PPP1R9A: variants seen among roughly 807,000 people sequenced by gnomAD.
The protein encoded by PPP1R9A is neurabin-1.
In PPP1R9A, 59 loss-of-function variants were observed where a neutral mutation model predicts 141.9. The ratio of observed to expected loss-of-function variants is 0.42; its 90% CI spans 0.34 to 0.52. The LOEUF is 0.52. Among genes scored for constraint, PPP1R9A ranks in the 20% least tolerant of loss-of-function variants. The probability of loss-of-function intolerance (pLI) is 0.10; values close to 1 mark genes in which losing one functional copy is unlikely to be tolerated. For synonymous variants in PPP1R9A, 500 were observed against 569.7 expected (o/e 0.88, Z 1.74); for missense variants, 1,444 against 1,611.9 (o/e 0.90, Z 1.78).
intron 2 of PPP1R9A, among the ~76,000 whole-genome samples, chr7:95,068,427 AC>A (rs1364075285): frequency 7.8e-6 from 1 of 128,608 alleles, no homozygotes; most frequent in African/African-American, 2.9e-5. Context: ...CCGAGATCGC[AC>A]CATTACACTC....
At chr7:95,194,020 A>G (rs1835884960) in intron 5 of PPP1R9A, among the ~76,000 whole-genome samples, 1 of 151,994 alleles carries the variant, frequency 6.6e-6, no homozygotes, top group Admixed American at 6.6e-5. Flanking sequence ...TGCTGTTTTC[A>G]ATTTATATGC....
At chr7:94,928,936 C>T (rs947869348) in intron 2 of PPP1R9A, among the ~76,000 whole-genome samples, 4 of 152,124 alleles carry the variant, frequency 2.6e-5, no homozygotes, top group African/African-American at 9.7e-5. Flanking sequence ...AACTGGCCAT[C>T]ATAGCCAATG....
intron 4 of PPP1R9A, among the ~76,000 whole-genome samples, chr7:95,154,502 C>G (rs954211105): frequency 6.6e-6 from 1 of 152,094 alleles, no homozygotes; most frequent in South Asian, 2.1e-4. Context: ...TCTTTCTAAG[C>G]TGCTAGCAGA....
chr7:94,912,517 TGATA>T (rs1791581132), intron 2 of PPP1R9A, among the ~76,000 whole-genome samples: 1 of 152,188 alleles, frequency 6.6e-6, no homozygotes, highest in Non-Finnish European at 1.5e-5. Context: ...TGTGTATATA[TGATA>T]GACTTGGAAT....
chr7:95,109,713 A>G (rs1820201012), intron 2 of PPP1R9A, among the ~76,000 whole-genome samples: 1 of 151,962 alleles, frequency 6.6e-6, no homozygotes, highest in Admixed American at 6.6e-5. Context: ...GTGTGATGGC[A>G]TGTGCCTGTA....
At chr7:94,973,590 G>T (rs1229028431) in intron 2 of PPP1R9A, among the ~76,000 whole-genome samples, 1 of 152,148 alleles carries the variant, frequency 6.6e-6, no homozygotes, top group African/African-American at 2.4e-5. Context: ...ATTCATAGGG[G>T]ACAAGAGAGA....
At chr7:95,158,115 G>A (rs1829915339) in intron 4 of PPP1R9A, among the ~76,000 whole-genome samples, 2 of 152,044 alleles carry the variant, frequency 1.3e-5, no homozygotes, top group Non-Finnish European at 2.9e-5. Flanking sequence ...ATTGATGCAA[G>A]GATAAACAAA....
Position 95,055,774 on chromosome 7 carries a change from G to A in PPP1R9A, c.1396-55485G>A, listed in dbSNP as rs1035129524. 6.6e-5 allele frequency among the ~76,000 whole-genome samples: 10 copies of A among 152,056 alleles called. No homozygotes were observed. The East Asian group carries it at 1.9e-3, about 29-fold the overall frequency. ...GAATGCCCTTTTGCTCAAGTACCTTGTACTCTAGGAAGCGTTTCCTGACAA... is the reference window on the plus strand; with the variant it reads ...GAATGCCCTTTTGCTCAAGTACCTTATACTCTAGGAAGCGTTTCCTGACAA... On this transcript the variant is annotated intron_variant, in intron 2 of 19. Coordinates refer to ENST00000433360, the MANE Select transcript of PPP1R9A (RefSeq NM_001166160.2).
At chr7:95,201,820 T>C (rs1789632313) in intron 6 of PPP1R9A, among the ~76,000 whole-genome samples, 1 of 152,222 alleles carries the variant, frequency 6.6e-6, no homozygotes, top group Admixed American at 6.5e-5. Flanking sequence ...TATTTTTATT[T>C]GACAGTATCT....
intron 2 of PPP1R9A, among the ~76,000 whole-genome samples, chr7:95,101,713 G>C (rs927209826): frequency 2.0e-5 from 3 of 152,188 alleles, no homozygotes; most frequent in African/African-American, 7.2e-5. Context: ...AAATAGACTA[G>C]TTTACCTTTC....
intron 7 of PPP1R9A, among the ~76,000 whole-genome samples, chr7:95,204,307 G>A (rs1042002624): frequency 6.6e-6 from 1 of 152,056 alleles, no homozygotes; most frequent in African/African-American, 2.4e-5. Flanking sequence ...AATATAGATA[G>A]CAGTGCTTAA....
chr7:95,029,591 G>A (rs1807371171), intron 2 of PPP1R9A, among the ~76,000 whole-genome samples: 2 of 152,264 alleles, frequency 1.3e-5, no homozygotes, highest in South Asian at 4.1e-4. Context: ...GACAACTTGT[G>A]TGTTGTAAAG....
chr7:95,197,482 C>T (rs1286457817), intron 5 of PPP1R9A, among the ~76,000 whole-genome samples: 3 of 152,072 alleles, frequency 2.0e-5, no homozygotes, highest in Non-Finnish European at 4.4e-5. Flanking sequence ...TATTGAATCA[C>T]ACCCCTTCTC....
At chr7:95,245,615 A>G (rs901328476) in intron 8 of PPP1R9A, among the ~76,000 whole-genome samples, 26 of 152,138 alleles carry the variant, frequency 1.7e-4, no homozygotes, top group Non-Finnish European at 7.4e-5. Context: ...GTGAAGGGGT[A>G]GGAATTGCAG....
At chr7:94,915,933 T>C (rs1470025259) in intron 2 of PPP1R9A, among the ~76,000 whole-genome samples, 1 of 152,228 alleles carries the variant, frequency 6.6e-6, no homozygotes, top group African/African-American at 2.4e-5. Context: ...CTTCAGTAGA[T>C]GACTGATATG....
intron 2 of PPP1R9A, among the ~76,000 whole-genome samples, chr7:95,073,663 C>A: frequency 7.5e-6 from 1 of 133,686 alleles, no homozygotes; most frequent in African/African-American, 2.9e-5. Context: ...GCTCACACAC[C>A]AGAAGAACTA....
intron 4 of PPP1R9A, among the ~76,000 whole-genome samples, chr7:95,125,391 C>T (rs1214914476): frequency 6.6e-6 from 1 of 151,980 alleles, no homozygotes; most frequent in African/African-American, 2.4e-5. Flanking sequence ...ATATGATAGC[C>T]ATTTCTATTT....
At chr7:95,033,854 G>A (rs547308502) in intron 2 of PPP1R9A, among the ~76,000 whole-genome samples, 16 of 152,028 alleles carry the variant, frequency 1.1e-4, no homozygotes, top group African/African-American at 3.6e-4. Flanking sequence ...AGGTTTTTCT[G>A]GTCTGTCCCA....
chr7:94,944,015 C>CT (rs1377012011), intron 2 of PPP1R9A, among the ~76,000 whole-genome samples: 2 of 151,930 alleles, frequency 1.3e-5, no homozygotes, highest in Non-Finnish European at 2.9e-5. Context: ...AAGTCCATTT[C>CT]TTTTTTAAAA....
Sources: gnomAD v4.1 joint callset for allele counts (sites outside exome capture counted in the v4.1 genomes callset) on GRCh38, gnomAD v4.1.1 for gene constraint, MANE v1.5 for transcripts, NCBI Gene and HGNC (gene_info 2026-07-23, HGNC 2026-07-21) for gene names.